Variants in SNX29 observed in about 807,000 individuals in gnomAD.
SNX29 encodes the protein sorting nexin-29.
A neutral mutation model predicts 102.1 loss-of-function variants in SNX29; 78 were observed. The observed-to-expected ratio is 0.76, with a 90% confidence interval of 0.64 to 0.92. The LOEUF (loss-of-function observed/expected upper bound fraction) is 0.92, where lower values mean the gene tolerates loss of function less well. Ranked by LOEUF, SNX29 falls within the 40% of genes least tolerant of loss-of-function variation. The pLI is 0.00. For missense variants in SNX29, 1,280 were observed against 1,061.7 expected (o/e 1.21, Z -2.86); for synonymous variants, 580 against 414.5 (o/e 1.40, Z -4.85).
intron 14 of SNX29, among the ~76,000 whole-genome samples, chr16:12,266,120 TC>T (rs1241833593): frequency 6.6e-6 from 1 of 152,130 alleles, no homozygotes; most frequent in Non-Finnish European, 1.5e-5. Context: ...AGACAGGGTC[TC>T]ACCATGTTGC....
At position 12,069,470 on chromosome 16, in the gene SNX29, G is replaced by A. The variant is rs192629773; in HGVS notation, c.1319+338G>A. On this transcript the variant is annotated intron_variant, in intron 10 of 20. Coordinates refer to ENST00000566228, the MANE Select transcript of SNX29 (RefSeq NM_032167.5). ...TTTAGTGGAGATAGGGTTTCACCACGTTGGCCAGGCTGGTCTCCAACTCCT... is the reference window on the plus strand; with the variant it reads ...TTTAGTGGAGATAGGGTTTCACCACATTGGCCAGGCTGGTCTCCAACTCCT... Among the ~76,000 whole-genome samples, 729 of 152,168 alleles carry A rather than the reference G, an allele frequency of 4.8e-3. 6 individuals are homozygous for A. Among genetic ancestry groups the A allele is most frequent in the Non-Finnish European group, 8.4e-3 (571 of 68,000 alleles).
chr16:11,996,190 G>T (rs1459812649), intron 1 of SNX29, among the ~76,000 whole-genome samples: 1 of 152,100 alleles, frequency 6.6e-6, no homozygotes, highest in Non-Finnish European at 1.5e-5. Flanking sequence ...GATCGCTTGA[G>T]TCTGGGGTGA....
At chr16:12,006,516 GAAA>G (rs758929005) in intron 3 of SNX29, among the ~76,000 whole-genome samples, 2 of 54,362 alleles carry the variant, frequency 3.7e-5, no homozygotes, top group Non-Finnish European at 7.8e-5. Flanking sequence ...TACTGTCTCA[GAAA>G]AAAAAAAAAA....
At chr16:12,472,336 C>T (rs2087386226) in intron 18 of SNX29, among the ~76,000 whole-genome samples, 1 of 152,042 alleles carries the variant, frequency 6.6e-6, no homozygotes, top group Non-Finnish European at 1.5e-5. Flanking sequence ...GCCTGGCCAA[C>T]ATGGTGAAAC....
intron 15 of SNX29, among the ~76,000 whole-genome samples, chr16:12,329,837 A>C (rs926598739): frequency 6.6e-6 from 1 of 152,240 alleles, no homozygotes; most frequent in Non-Finnish European, 1.5e-5. Flanking sequence ...TTTGAATAGC[A>C]CAAAGATCAC....
Position 12,042,898 on chromosome 16 carries a change from G to C in SNX29, c.249G>C (p.Glu83Asp), listed in dbSNP as rs764483274. 18 of 1,606,172 alleles carry C rather than the reference G, an allele frequency of 1.1e-5. No individual in the cohort carries two copies. Residue 83 changes from glutamate (E) to aspartate (D), a missense_variant and splice_region_variant, in exon 5 of 21, where the codon GAG (glutamate) becomes GAC (aspartate). By Grantham distance (45) the Glu-to-Asp change is conservative. Transcript: ENST00000566228. ...AAGFASKTET[E>D]PVFWYYVKEV... Reference sequence around the variant, plus strand: ...GGCGCCTGTGCCCTCTCTCCGTAGAGCCCGTGTTCTGGTACTACGTGAAGG... The same window carrying C: ...GGCGCCTGTGCCCTCTCTCCGTAGACCCCGTGTTCTGGTACTACGTGAAGG...
At chr16:12,200,103 T>G (rs2076876138) in intron 14 of SNX29, among the ~76,000 whole-genome samples, 1 of 152,136 alleles carries the variant, frequency 6.6e-6, no homozygotes, top group Non-Finnish European at 1.5e-5. Context: ...AGTTTTCTAA[T>G]CTCTTTGCAC....
chr16:12,331,827 C>T (rs1379174448), intron 15 of SNX29, among the ~76,000 whole-genome samples: 2 of 152,186 alleles, frequency 1.3e-5, no homozygotes, highest in Admixed American at 6.5e-5. Context: ...GCTGGGATTA[C>T]AAGTGTGAGC....
intron 16 of SNX29, among the ~76,000 whole-genome samples, chr16:12,359,983 C>T (rs901446012): frequency 2.0e-5 from 3 of 152,166 alleles, no homozygotes; most frequent in African/African-American, 7.2e-5. Flanking sequence ...ACCATTATGC[C>T]TGGCTAATTT....
intron 8 of SNX29, 120 bp downstream of exon 8, chr16:12,052,342 G>A (rs1417331715): frequency 7.1e-6 from 8 of 1,124,770 alleles, no homozygotes; most frequent in East Asian, 2.7e-5. Context: ...TCAGCCTCCC[G>A]AGTAGCTGGG....
At chr16:12,434,579 G>T (rs1343840210) in intron 18 of SNX29, among the ~76,000 whole-genome samples, 2 of 152,068 alleles carry the variant, frequency 1.3e-5, no homozygotes, top group African/African-American at 4.8e-5. Flanking sequence ...AAACAGCCTT[G>T]TGTACCCTGC....
rs1185092351 is a variant in SNX29 at position 12,517,977 on chromosome 16, C to T, written c.2179-6725C>T. ...GAAACTTGGGGCTGCTAACATATTA[C>T]AATGTTGGTGAGGGTCGGGGTGGGA... On this transcript the variant is annotated intron_variant, in intron 19 of 20. Coordinates refer to ENST00000566228, the MANE Select transcript of SNX29 (RefSeq NM_032167.5). Among the ~76,000 whole-genome samples the T allele has an allele frequency of 2.0e-5, 3 of 151,792 alleles. No homozygotes were observed. In the East Asian group the frequency reaches 5.8e-4, roughly 29 times the overall value.
chr16:12,258,640 A>C (rs2078644793), intron 14 of SNX29, among the ~76,000 whole-genome samples: 1 of 152,056 alleles, frequency 6.6e-6, no homozygotes, highest in African/African-American at 2.4e-5. Flanking sequence ...AGTCGCTCAC[A>C]ATGTATATAC....
At position 12,483,117 on chromosome 16, in the gene SNX29, T is replaced by TG. The variant is rs71230718; in HGVS notation, c.2178+5258_2178+5259insG. On this transcript the variant is annotated intron_variant, in intron 19 of 20. Transcript: ENST00000566228. ...AGATACATATTGAAGTTATTAAGTT[T>TG]TTTTTTTTTTTTTTTTTTTTTTTTT... Among the ~76,000 whole-genome samples, 9 of 99,064 alleles carry TG rather than the reference T, an allele frequency of 9.1e-5. 1 individual carries two copies. Among genetic ancestry groups the TG allele is most frequent in the African/African-American group, 4.6e-4 (9 of 19,532 alleles). The allele number at this position is 99,064 out of a possible 152,430, so 65.0% of individuals were successfully genotyped here. A position where few individuals can be genotyped will look rare whatever the true frequency, so the allele number is the denominator to read the frequency against.
At chr16:12,565,080 A>T (rs2078939551) in intron 20 of SNX29, among the ~76,000 whole-genome samples, 1 of 152,174 alleles carries the variant, frequency 6.6e-6, no homozygotes. Flanking sequence ...CAGTGGGGAC[A>T]CATGGGGTCG....
chr16:12,536,507 C>G (rs1177675600), intron 20 of SNX29, among the ~76,000 whole-genome samples: 2 of 152,184 alleles, frequency 1.3e-5, no homozygotes, highest in Non-Finnish European at 2.9e-5. Context: ...CCTTTAGGGA[C>G]TTCATGCCTC....
At chr16:12,390,242 C>G (rs765448605) in intron 16 of SNX29, among the ~76,000 whole-genome samples, 12 of 152,008 alleles carry the variant, frequency 7.9e-5, no homozygotes, top group Non-Finnish European at 4.4e-5. Context: ...CCTCCCATCT[C>G]TGCTCTGCAG....
chr16:12,143,907 C>T (rs1316689854), intron 13 of SNX29, among the ~76,000 whole-genome samples: 1 of 152,200 alleles, frequency 6.6e-6, no homozygotes, highest in Non-Finnish European at 1.5e-5. Flanking sequence ...AAATCAGAAT[C>T]TCTGGAGCTG....
intron 20 of SNX29, among the ~76,000 whole-genome samples, chr16:12,551,287 C>A (rs373433945): frequency 3.9e-5 from 6 of 152,108 alleles, no homozygotes; most frequent in African/African-American, 1.4e-4. Flanking sequence ...AAATGTTTAA[C>A]CAGTTTGTCA....
Sources: allele counts gnomAD v4.1 joint callset (sites outside exome capture counted in the v4.1 genomes callset), GRCh38; gene constraint gnomAD v4.1.1; transcripts MANE v1.5; gene names NCBI Gene and HGNC (gene_info 2026-07-23, HGNC 2026-07-21).